The following PLAC1 variants were observed in gnomAD, a reference collection of about 807,000 sequenced individuals.
The protein encoded by PLAC1 is placenta-specific protein 1.
For synonymous variants in PLAC1, 68 were observed against 62.1 expected, an observed-to-expected ratio of 1.09 and a Z score of -0.44; for missense variants, 136 against 163.2, an observed-to-expected ratio of 0.83 and a Z score of 0.91.
rs1277341654 is a variant in PLAC1 at position 134,566,527 on chromosome X, A to G, written c.156T>C (p.Phe52=). 1 of 1,210,525 alleles carries G rather than the reference A, an allele frequency of 8.3e-7. No individual in the cohort carries two copies. The highest frequency in any genetic ancestry group is 1.1e-6 in the Non-Finnish European group (1 of 895,299). The change falls in exon 3 of 3, where the codon TTT becomes TTC. Residue 52 remains phenylalanine (F), a synonymous_variant. Coordinates refer to ENST00000359237, the MANE Select transcript of PLAC1 (RefSeq NM_021796.4). ...FMLNNDVCVH[F]HELHLGLGCP... is the part of the protein sequence containing the mutation. ...AACCCAGGCCCAAGTGTAGTTCATGAAAGTGTACACACACATCGTTGTTTA... is the reference window on the plus strand; with the variant it reads ...AACCCAGGCCCAAGTGTAGTTCATGGAAGTGTACACACACATCGTTGTTTA...
chrX:134,649,154 G>A (rs1300157690), intron 1 of PLAC1, among the ~76,000 whole-genome samples: 5 of 107,206 alleles, frequency 4.7e-5, no homozygotes, highest in African/African-American at 1.7e-4. Context: ...TGTAATCCCA[G>A]CTACTCAGGA....
intron 2 of PLAC1, among the ~76,000 whole-genome samples, chrX:134,696,757 G>A (rs182070369): frequency 4.0e-4 from 44 of 111,297 alleles, no homozygotes; most frequent in African/African-American, 1.3e-3. Flanking sequence ...GGCCGGGCGC[G>A]GTGGCTCACG....
intron 2 of PLAC1, among the ~76,000 whole-genome samples, chrX:134,693,800 G>A (rs913693702): frequency 2.7e-5 from 3 of 111,763 alleles, no homozygotes; most frequent in East Asian, 2.8e-4. Context: ...GTTGAGAGAC[G>A]TGAATCTGAT....
intron 1 of PLAC1, chrX:134,651,487 C>T (rs746011993): frequency 2.7e-4 from 32 of 120,430 alleles, no homozygotes; most frequent in Non-Finnish European, 4.8e-4. Context: ...AAAAATGAAA[C>T]TGAGTTCCAA....
intron 2 of PLAC1, among the ~76,000 whole-genome samples, chrX:134,704,164 A>G (rs2078593044): frequency 9.2e-6 from 1 of 108,809 alleles, no homozygotes; most frequent in Non-Finnish European, 1.9e-5. Flanking sequence ...CAATCAAGGC[A>G]GAAAAAAATA....
chrX:134,656,134 C>G (rs1569398886), intron 1 of PLAC1, among the ~76,000 whole-genome samples: 1 of 112,087 alleles, frequency 8.9e-6, no homozygotes, highest in Non-Finnish European at 1.9e-5. Flanking sequence ...AAACACACTG[C>G]CTTTTCTACG....
chrX:134,690,511 T>C (rs2078532319), intron 2 of PLAC1, among the ~76,000 whole-genome samples: 1 of 111,529 alleles, frequency 9.0e-6, no homozygotes, highest in African/African-American at 3.3e-5. Flanking sequence ...GAAGTCTCTG[T>C]GTTAACAAGC....
chrX:134,588,294 A>ATTTATTTTATTTAT (rs368818929), intron 2 of PLAC1, among the ~76,000 whole-genome samples: 2 of 44,261 alleles, frequency 4.5e-5, no homozygotes, highest in Admixed American at 1.9e-4. Context: ...TCTTTATTTT[A>ATTTATTTTATTTAT]TTTATTTATT....
chrX:134,685,501 C>T (rs889361958), intron 2 of PLAC1, among the ~76,000 whole-genome samples: 2 of 83,587 alleles, frequency 2.4e-5, no homozygotes, highest in Non-Finnish European at 4.4e-5. Flanking sequence ...ATAGTGCTCA[C>T]TTCATGTGAA....
chrX:134,633,356 C>T (rs1379397416), intron 1 of PLAC1, among the ~76,000 whole-genome samples: 1 of 112,075 alleles, frequency 8.9e-6, no homozygotes, highest in African/African-American at 3.2e-5. Context: ...CCAGCTTTGT[C>T]CTGACCTCCT....
At chrX:134,644,744 C>G (rs2078324529) in intron 1 of PLAC1, among the ~76,000 whole-genome samples, 1 of 111,302 alleles carries the variant, frequency 9.0e-6, no homozygotes, top group Admixed American at 9.6e-5. Context: ...CTCTTGGACT[C>G]TTCCTTCTTG....
chrX:134,716,148 T>C (rs1337150741), intron 2 of PLAC1, among the ~76,000 whole-genome samples: 3 of 112,284 alleles, frequency 2.7e-5, no homozygotes, highest in Non-Finnish European at 3.8e-5. Flanking sequence ...CGGGTCTCTC[T>C]AGCAAGCAAG....
intron 1 of PLAC1, among the ~76,000 whole-genome samples, chrX:134,623,788 C>T (rs1315320256): frequency 8.9e-6 from 1 of 111,814 alleles, no homozygotes; most frequent in Non-Finnish European, 1.9e-5. Context: ...ATTCTGTGCC[C>T]CTTCTACATA....
chrX:134,706,366 A>G (rs1939181867), intron 2 of PLAC1, among the ~76,000 whole-genome samples: 2 of 112,149 alleles, frequency 1.8e-5, no homozygotes, highest in African/African-American at 6.5e-5. Flanking sequence ...GACAGTAGCG[A>G]CCACATAGGG....
At position 134,705,890 on chromosome X, in the gene PLAC1, A is replaced by T. The variant is rs187836284; in HGVS notation, n.174+27545T>A. Among the ~76,000 whole-genome samples, 6 of 112,381 alleles carry T rather than the reference A, an allele frequency of 5.3e-5. No individual in the cohort carries two copies. The Admixed American group carries it at 5.7e-4, about 11-fold the overall frequency. On this transcript the variant is annotated intron_variant and non_coding_transcript_variant, in intron 2 of 2. Coordinates refer to the PLAC1 transcript ENST00000466797. ...ACTCTTTCTGCCAAGTACGGCTAAAAACCCTGAACATTATGTATAAGGCAG... is the reference window on the plus strand; with the variant it reads ...ACTCTTTCTGCCAAGTACGGCTAAATACCCTGAACATTATGTATAAGGCAG...
chrX:134,684,642 TAAG>T (rs1364207576), intron 2 of PLAC1, among the ~76,000 whole-genome samples: 1 of 111,294 alleles, frequency 9.0e-6, no homozygotes, highest in Non-Finnish European at 1.9e-5. Context: ...ATCCATAATC[TAAG>T]AAGTTACCAC....
At chrX:134,753,491 C>T (rs977489313) in intron 1 of PLAC1, among the ~76,000 whole-genome samples, 7 of 110,314 alleles carry the variant, frequency 6.3e-5, no homozygotes, top group Non-Finnish European at 9.4e-5. Context: ...TAATGTATCG[C>T]TCAGACCTGC....
chrX:134,605,699 G>C (rs2078119277), intron 1 of PLAC1: 1 of 112,196 alleles, frequency 8.9e-6, no homozygotes, highest in South Asian at 3.7e-4. Flanking sequence ...AATGCAAAGA[G>C]AGACTGTGCC....
intron 1 of PLAC1, among the ~76,000 whole-genome samples, chrX:134,750,232 G>A (rs1389146513): frequency 1.8e-5 from 2 of 111,366 alleles, no homozygotes; most frequent in Non-Finnish European, 3.8e-5. Flanking sequence ...GGAATTGCAC[G>A]CATTTGGCTC....
Sources: gnomAD v4.1 joint callset for allele counts (sites outside exome capture counted in the v4.1 genomes callset) on GRCh38, gnomAD v4.1.1 for gene constraint, MANE v1.5 for transcripts, NCBI Gene and HGNC (gene_info 2026-07-23, HGNC 2026-07-21) for gene names.